IRX2: variants seen among roughly 807,000 people sequenced by gnomAD.
IRX2 encodes iroquois homeobox 2, also known as iroquois-class homeodomain protein IRX-2.
In IRX2, 26 loss-of-function variants were observed where a neutral mutation model predicts 42.9. That is an observed-to-expected ratio of 0.61 (90% CI 0.44 to 0.84). The LOEUF (loss-of-function observed/expected upper bound fraction) is 0.84, where lower values mean the gene tolerates loss of function less well. IRX2 is among the 40% of genes least tolerant of loss of function. The pLI, the probability that IRX2 is intolerant of heterozygous loss-of-function variation, is 0.00. For missense variants in IRX2, 782 were observed against 713.9 expected, an observed-to-expected ratio of 1.10 and a Z score of -1.09; for synonymous variants, 424 against 353.9, an observed-to-expected ratio of 1.20 and a Z score of -2.22.
the IRX2 span, among the ~76,000 whole-genome samples, chr5:2,739,389 C>T: frequency 3.9e-5 from 6 of 152,350 alleles, no homozygotes; most frequent in African/African-American, 1.4e-4. Context: ...GCGCTGGGGC[C>T]GCAGATCGGG....
At chr5:2,748,148 C>T (rs1276386449) in intron 3 of IRX2, among the ~76,000 whole-genome samples, 197 bp downstream of exon 3, 1 of 152,180 alleles carries the variant, frequency 6.6e-6, no homozygotes, top group Non-Finnish European at 1.5e-5. Context: ...TAAATAATAA[C>T]AGGGCAAGTC....
downstream of IRX2, among the ~76,000 whole-genome samples, chr5:2,740,922 C>T (rs976911570): frequency 1.3e-5 from 2 of 152,180 alleles, no homozygotes; most frequent in East Asian, 3.9e-4. Flanking sequence ...AGCACCCGGC[C>T]GGCAGCCCCC....
the IRX2 span, among the ~76,000 whole-genome samples, chr5:2,738,268 C>A: frequency 1.3e-5 from 2 of 152,212 alleles, no homozygotes; most frequent in Non-Finnish European, 2.9e-5. Flanking sequence ...CGGTCACAGG[C>A]CTGCCTGGAA....
At chr5:2,739,117 T>C in the IRX2 span, among the ~76,000 whole-genome samples, 3 of 152,174 alleles carry the variant, frequency 2.0e-5, no homozygotes, top group African/African-American at 7.2e-5. Flanking sequence ...CAACGCGCTT[T>C]GTAGGGCCTG....
chr5:2,749,177 C>T, intron 2 of IRX2, 125 bp from the exon 3 acceptor site: 1 of 1,480,594 alleles, frequency 6.8e-7, no homozygotes, highest in Non-Finnish European at 8.9e-7. Flanking sequence ...CCCACCCGGC[C>T]ACGTGACAGG....
rs569450939 is a variant in IRX2, at chr5:2,748,170, C to G, written c.1363+175G>C. On this transcript the variant is annotated intron_variant, in intron 3 of 3. Coordinates refer to ENST00000302057, the MANE Select transcript of IRX2 (RefSeq NM_033267.5). ...TAACAGGGCAAGTCTAAAAAGAGGG[C>G]CACACCTTCTTTGGCTTCCATCTCG... Among the ~76,000 whole-genome samples the G allele has an allele frequency of 3.9e-5, 6 of 152,316 alleles. No homozygotes were observed. In the South Asian group the frequency reaches 1.2e-3, roughly 32 times the overall value.
Position 2,747,342 on chromosome 5 carries a change from A to C in IRX2, c.*222T>G. The C allele has an allele frequency of 6.8e-6, 3 of 441,958 alleles. No homozygotes were observed. Among genetic ancestry groups the C allele is most frequent in the Non-Finnish European group, 8.3e-6 (2 of 242,044 alleles). The allele number at this position is 441,958 out of a possible 1,614,324, so 27.4% of individuals were successfully genotyped here. A position where few individuals can be genotyped will look rare whatever the true frequency, so the allele number is the denominator to read the frequency against. ...ATATTTTTTTTTTCCTTCCCTAGGT[A>C]AAGGAGTGATAGAACTTGTGCCAAA... On this transcript the variant is annotated 3_prime_UTR_variant, in exon 4 of 4. Transcript: ENST00000302057.
At chr5:2,745,955 G>C (rs555132727), downstream of IRX2, 1 of 149,568 alleles carries the variant, frequency 6.7e-6, no homozygotes, top group Non-Finnish European at 1.5e-5. Flanking sequence ...TGCAATACCT[G>C]TATAGAAATC....
intron 3 of IRX2, among the ~76,000 whole-genome samples, chr5:2,747,916 C>T (rs1023624233): frequency 6.6e-6 from 1 of 152,160 alleles, no homozygotes; most frequent in Non-Finnish European, 1.5e-5. Context: ...TTGATTTTAT[C>T]TTTTGAAGAC....
downstream of IRX2, among the ~76,000 whole-genome samples, chr5:2,745,484 AT>A (rs1196374610): frequency 6.6e-6 from 1 of 152,192 alleles, no homozygotes; most frequent in African/African-American, 2.4e-5. Context: ...TTGACTACAA[AT>A]TTTAGACTTG....
chr5:2,740,473 T>C, the IRX2 span, among the ~76,000 whole-genome samples: 5,774 of 152,216 alleles, frequency 0.038, 169 homozygotes, highest in African/African-American at 0.078. Flanking sequence ...AGCGCCGCGC[T>C]TGGGGAGACT....
the IRX2 span, among the ~76,000 whole-genome samples, chr5:2,739,806 T>C: frequency 0.51 from 76,751 of 151,772 alleles, 19,644 homozygotes; most frequent in Middle Eastern, 0.62. Flanking sequence ...CACGGAGGAG[T>C]CCCGACCACC....
chr5:2,746,036 C>A (rs1737653605), downstream of IRX2: 1 of 143,676 alleles, frequency 7.0e-6, no homozygotes. Context: ...TTTCAATGCT[C>A]AGGAGAGAAA....
At chr5:2,738,576 G>A in the IRX2 span, among the ~76,000 whole-genome samples, 1 of 152,030 alleles carries the variant, frequency 6.6e-6, no homozygotes. Flanking sequence ...CTGTTCCCAG[G>A]GAAGCCTTCA....
intron 1 of IRX2, among the ~76,000 whole-genome samples, chr5:2,750,899 G>A (rs1019888587): frequency 6.6e-6 from 1 of 152,094 alleles, no homozygotes; most frequent in Non-Finnish European, 1.5e-5. Context: ...CAGGCTCTCA[G>A]AGAAAATCAG....
the IRX2 span, among the ~76,000 whole-genome samples, chr5:2,740,492 G>T: frequency 6.6e-6 from 1 of 152,220 alleles, no homozygotes; most frequent in African/African-American, 2.4e-5. Flanking sequence ...CTGCAGGGCA[G>T]AAATGGGCCT....
At position 2,748,745 on chromosome 5, in the gene IRX2, C is replaced by A; in HGVS notation, c.963G>T (p.Pro321=). Residue 321 remains proline, a synonymous_variant, in exon 3 of 4, where the codon CCG becomes CCT. Coordinates refer to ENST00000302057, the MANE Select transcript of IRX2 (RefSeq NM_033267.5). ...ACAGCTTGGGCTTGCTGGCGGGGGG[C>A]GGCGCGCCCGGAGACGTCCGGCTGC... ...PQGSRTSPGA[P]PPASKPKLWS... 1.5e-6 allele frequency: 2 copies of A among 1,361,408 alleles called. No homozygotes were observed. The highest frequency in any genetic ancestry group is 1.9e-6 in the Non-Finnish European group (2 of 1,063,734). 84.3% of individuals were successfully genotyped at this position (1,361,408 alleles called of 1,614,324 possible). A position where few individuals can be genotyped will look rare whatever the true frequency, so the allele number is the denominator to read the frequency against.
intron 3 of IRX2, among the ~76,000 whole-genome samples, 188 bp from the exon 4 acceptor site, chr5:2,747,804 C>T (rs1250822161): frequency 6.6e-6 from 1 of 152,242 alleles, no homozygotes; most frequent in Non-Finnish European, 1.5e-5. Context: ...TTGAACTCCT[C>T]TTTCGGGTAG....
downstream of IRX2, among the ~76,000 whole-genome samples, chr5:2,742,681 G>A (rs748801314): frequency 6.6e-6 from 1 of 152,122 alleles, no homozygotes; most frequent in Admixed American, 6.5e-5. Flanking sequence ...GGCAACTAAA[G>A]AAAAATTATA....
Sources: allele counts gnomAD v4.1 joint callset (sites outside exome capture counted in the v4.1 genomes callset), GRCh38; gene constraint gnomAD v4.1.1; transcripts MANE v1.5; gene names NCBI Gene and HGNC (gene_info 2026-07-23, HGNC 2026-07-21).